MEGF6: variants seen among roughly 807,000 people sequenced by gnomAD.
MEGF6 encodes multiple epidermal growth factor-like domains protein 6.
In MEGF6, 184 loss-of-function variants were observed where a neutral mutation model predicts 207.1. The observed-to-expected ratio is 0.89, with a 90% CI of 0.79 to 1.00. MEGF6 has a LOEUF of 1.00. Among genes scored for constraint, MEGF6 ranks in the 50% least tolerant of loss-of-function variants. The pLI, the probability that MEGF6 is intolerant of heterozygous loss-of-function variation, is 0.00. For missense variants in MEGF6, 2,282 were observed against 2,202.9 expected (o/e 1.04, Z -0.72); for synonymous variants, 1,038 against 910.0 (o/e 1.14, Z -2.53).
intron 4 of MEGF6, among the ~76,000 whole-genome samples, chr1:3,554,971 C>T (rs940421339): frequency 1.3e-5 from 2 of 152,212 alleles, no homozygotes; most frequent in Non-Finnish European, 1.5e-5. Flanking sequence ...AAAGACAGGG[C>T]GGCTGGCAGG....
chr1:3,582,604 G>A (rs1206727808), intron 3 of MEGF6, among the ~76,000 whole-genome samples: 3 of 152,068 alleles, frequency 2.0e-5, no homozygotes, highest in Non-Finnish European at 4.4e-5. Flanking sequence ...TTGGTTCCCC[G>A]GTTGCAAACC....
intron 3 of MEGF6, among the ~76,000 whole-genome samples, chr1:3,581,883 G>A (rs893147971): frequency 3.9e-5 from 6 of 151,992 alleles, no homozygotes; most frequent in African/African-American, 1.2e-4. Flanking sequence ...CCTGGAGCCC[G>A]TGCACACCAC....
chr1:3,623,016 G>A, the MEGF6 span, among the ~76,000 whole-genome samples: 1 of 152,168 alleles, frequency 6.6e-6, no homozygotes, highest in Non-Finnish European at 1.5e-5. Context: ...GCTCCCACCA[G>A]CAGTCTGCAG....
At chr1:3,519,097 G>A (rs1219081826) in intron 5 of MEGF6, among the ~76,000 whole-genome samples, 1 of 152,156 alleles carries the variant, frequency 6.6e-6, no homozygotes, top group African/African-American at 2.4e-5. Flanking sequence ...GGAGGGAAAC[G>A]CCCGCCACCC....
chr1:3,612,973 G>C (rs1034440554), upstream of MEGF6, among the ~76,000 whole-genome samples: 1 of 152,172 alleles, frequency 6.6e-6, no homozygotes, highest in Non-Finnish European at 1.5e-5. Context: ...CTGCAGATCC[G>C]GGAACTGAAC....
rs1489307278 is a variant in MEGF6, at chr1:3,510,982, G to A, written c.1115-80C>T. 2.4e-5 allele frequency: 37 copies of A among 1,525,796 alleles called. No individual in the cohort carries two copies. In the East Asian group the frequency reaches 2.8e-4, roughly 12 times the overall value. 94.5% of individuals were successfully genotyped at this position (1,525,796 alleles called of 1,614,324 possible). The stretch of plus-strand genomic sequence containing the variant: ...CCCCCACCCACACACAACTGCATAC[G>A]ACCACACACAACCCACGCGCCCGAC... On this transcript the variant is annotated intron_variant, in intron 9 of 36. Coordinates refer to ENST00000356575, the MANE Select transcript of MEGF6 (RefSeq NM_001409.4).
intron 4 of MEGF6, among the ~76,000 whole-genome samples, chr1:3,527,542 G>T (rs1642007885): frequency 6.6e-6 from 1 of 152,254 alleles, no homozygotes; most frequent in Admixed American, 6.5e-5. Flanking sequence ...CCTGCACCAT[G>T]AAGTCGCCAC....
chr1:3,546,843 C>A (rs1280534229), intron 4 of MEGF6, among the ~76,000 whole-genome samples: 1 of 95,120 alleles, frequency 1.1e-5, no homozygotes, highest in Non-Finnish European at 2.1e-5. Flanking sequence ...GGGAAGGGGG[C>A]GCCAGGGAGG....
intron 5 of MEGF6, among the ~76,000 whole-genome samples, chr1:3,516,319 C>T (rs925064362): frequency 2.0e-5 from 3 of 152,252 alleles, no homozygotes; most frequent in African/African-American, 7.2e-5. Flanking sequence ...GTAGCCAGCC[C>T]CTCAGCGGGG....
rs1413652124 is a variant in MEGF6, at chr1:3,506,208, G to A, written c.1818C>T (p.His606=). ...TGGCACAGTTGCATTTCTTGCGACA[G>A]TGCTTGCCATAGTAGCCCTTGGGGC... ...DGCPKGYYGK[H]CRKKCNCANR... The change falls in exon 15 of 37, where the codon CAC becomes CAT. Residue 606 remains histidine (H), a synonymous_variant. Transcript: ENST00000356575. 1.9e-6 allele frequency: 3 copies of A among 1,608,000 alleles called. No individual in the cohort carries two copies. Among genetic ancestry groups the A allele is most frequent in the Middle Eastern group, 1.7e-4 (1 of 5,920 alleles).
At chr1:3,534,873 C>T (rs1460101286) in intron 4 of MEGF6, among the ~76,000 whole-genome samples, 1 of 152,156 alleles carries the variant, frequency 6.6e-6, no homozygotes, top group Non-Finnish European at 1.5e-5. Flanking sequence ...GGGGCCACCA[C>T]TCCAGCCCCT....
At position 3,517,496 on chromosome 1, in the gene MEGF6, C is replaced by T. The variant is rs142520178; in HGVS notation, c.605-1969G>A. On this transcript the variant is annotated intron_variant, in intron 5 of 36. Coordinates refer to ENST00000356575, the MANE Select transcript of MEGF6 (RefSeq NM_001409.4). The stretch of plus-strand genomic sequence containing the variant: ...CCGGGAGCCAAGCCCAGTGTCGTCG[C>T]ATATATCCTGTGCCACGGATTCCCG... 4.1e-3 allele frequency among the ~76,000 whole-genome samples: 626 copies of T among 152,358 alleles called. 2 individuals carry two copies. The highest frequency in any genetic ancestry group is 0.014 in the African/African-American group (600 of 41,584).
chr1:3,592,636 C>G (rs182644748), intron 3 of MEGF6, among the ~76,000 whole-genome samples: 1 of 152,040 alleles, frequency 6.6e-6, no homozygotes, highest in Non-Finnish European at 1.5e-5. Context: ...TAGCACAGGA[C>G]GCGCCAGGCA....
chr1:3,611,218 C>A lies in MEGF6; in HGVS notation c.51G>T (p.Ala17=), dbSNP rs537050737. The A allele has an allele frequency of 1.3e-6, 2 of 1,547,466 alleles. No homozygotes were observed. Among genetic ancestry groups the A allele is most frequent in the Non-Finnish European group, 1.7e-6 (2 of 1,157,782 alleles). ...ARAAGRAVVL[A]LVLLLLPAVP... ...CGGCGGGGAGCAGCAGCAGCACCAA[C>A]GCCAGGACCACCGCGCGCCCCGCTG... is the stretch of plus-strand genomic sequence containing the variant. Residue 17 remains alanine (A), a synonymous_variant, in exon 1 of 37, where the codon GCG becomes GCT. Coordinates refer to ENST00000356575, the MANE Select transcript of MEGF6 (RefSeq NM_001409.4).
intron 7 of MEGF6, 93 bp downstream of exon 7, chr1:3,514,457 G>T: frequency 6.9e-7 from 1 of 1,439,254 alleles, no homozygotes; most frequent in Non-Finnish European, 9.2e-7. Flanking sequence ...CTCATGGGAG[G>T]CCACGGCCCC....
At chr1:3,578,430 C>T (rs967998152) in intron 4 of MEGF6, among the ~76,000 whole-genome samples, 3 of 152,052 alleles carry the variant, frequency 2.0e-5, no homozygotes, top group Non-Finnish European at 4.4e-5. Flanking sequence ...CACCTGTCCT[C>T]GGAACAGGGA....
chr1:3,575,139 C>T (rs1020242625), intron 4 of MEGF6, among the ~76,000 whole-genome samples: 1 of 152,194 alleles, frequency 6.6e-6, no homozygotes, highest in Non-Finnish European at 1.5e-5. Flanking sequence ...CTGGTCTTTT[C>T]ATTACCAATT....
chr1:3,527,626 C>T (rs111411750), intron 4 of MEGF6, among the ~76,000 whole-genome samples: 49 of 152,328 alleles, frequency 3.2e-4, no homozygotes, highest in Non-Finnish European at 5.3e-4. Flanking sequence ...CCCCCAACAG[C>T]GCCCCAAAGA....
At chr1:3,603,770 C>G (rs546519578) in intron 1 of MEGF6, among the ~76,000 whole-genome samples, 1 of 152,160 alleles carries the variant, frequency 6.6e-6, no homozygotes, top group Non-Finnish European at 1.5e-5. Flanking sequence ...AACCAGCCGC[C>G]GCCCCGTGGG....
Sources: allele counts gnomAD v4.1 joint callset (sites outside exome capture counted in the v4.1 genomes callset), GRCh38; gene constraint gnomAD v4.1.1; transcripts MANE v1.5; gene names NCBI Gene and HGNC (gene_info 2026-07-23, HGNC 2026-07-21).